The following ST6GALNAC3 variants were observed in gnomAD, a reference collection of about 807,000 sequenced individuals.
The protein encoded by ST6GALNAC3 is ST6 N-acetylgalactosaminide alpha-2,6-sialyltransferase 3.
A neutral mutation model predicts 32.7 loss-of-function variants in ST6GALNAC3; 25 were observed. The ratio of observed to expected loss-of-function variants is 0.76; its 90% CI spans 0.56 to 1.07. The LOEUF (loss-of-function observed/expected upper bound fraction) is 1.07, where lower values mean the gene tolerates loss of function less well. Ranked by LOEUF, ST6GALNAC3 falls within the 50% of genes least tolerant of loss-of-function variation. The pLI, the probability that ST6GALNAC3 is intolerant of heterozygous loss-of-function variation, is 0.00. For missense variants in ST6GALNAC3, 355 were observed against 382.4 expected (o/e 0.93, Z 0.60); for synonymous variants, 129 against 133.1 (o/e 0.97, Z 0.21).
intron 3 of ST6GALNAC3, among the ~76,000 whole-genome samples, chr1:76,604,315 T>C (rs1454779460): frequency 6.6e-6 from 1 of 152,182 alleles, no homozygotes; most frequent in Non-Finnish European, 1.5e-5. Flanking sequence ...CTATACCCCC[T>C]CTTAGAAATT....
intron 1 of ST6GALNAC3, among the ~76,000 whole-genome samples, chr1:76,218,636 T>C (rs1250854546): frequency 2.6e-5 from 4 of 152,250 alleles, no homozygotes; most frequent in African/African-American, 9.6e-5. Flanking sequence ...AACATTTATC[T>C]GCTTTTTCTT....
At chr1:76,329,179 A>G (rs1647138833) in intron 2 of ST6GALNAC3, among the ~76,000 whole-genome samples, 1 of 152,204 alleles carries the variant, frequency 6.6e-6, no homozygotes, top group South Asian at 2.1e-4. Context: ...CAACAGAATA[A>G]TATTCACCAC....
chr1:76,456,369 C>T (rs1028811546), intron 3 of ST6GALNAC3, among the ~76,000 whole-genome samples: 9 of 151,196 alleles, frequency 6.0e-5, no homozygotes, highest in Non-Finnish European at 1.0e-4. Context: ...TTTTTTGAGT[C>T]GGAGTCTCAT....
intron 1 of ST6GALNAC3, among the ~76,000 whole-genome samples, chr1:76,131,582 G>A (rs1649613545): frequency 6.6e-6 from 1 of 152,196 alleles, no homozygotes; most frequent in Non-Finnish European, 1.5e-5. Context: ...AGGGGCCAAG[G>A]CATTTGGCCT....
chr1:76,541,804 G>A (rs923520753), intron 3 of ST6GALNAC3, among the ~76,000 whole-genome samples: 15 of 152,104 alleles, frequency 9.9e-5, no homozygotes, highest in Admixed American at 7.9e-4. Flanking sequence ...CCATCATCTC[G>A]TCACACCTGT....
chr1:76,204,595 A>T (rs1654717625), intron 1 of ST6GALNAC3, among the ~76,000 whole-genome samples: 1 of 152,154 alleles, frequency 6.6e-6, no homozygotes, highest in Non-Finnish European at 1.5e-5. Context: ...GGATATCCAG[A>T]AGCAGTGTTT....
At chr1:76,303,915 T>A (rs1226111838) in intron 1 of ST6GALNAC3, among the ~76,000 whole-genome samples, 2 of 151,992 alleles carry the variant, frequency 1.3e-5, no homozygotes, top group Non-Finnish European at 2.9e-5. Flanking sequence ...CTTTATATTT[T>A]AAATTTTTCT....
intron 2 of ST6GALNAC3, among the ~76,000 whole-genome samples, chr1:76,347,964 A>C (rs1179412803): frequency 6.6e-6 from 1 of 152,216 alleles, no homozygotes; most frequent in East Asian, 1.9e-4. Flanking sequence ...AACTTAATAA[A>C]GAAAATGAAA....
intron 1 of ST6GALNAC3, among the ~76,000 whole-genome samples, chr1:76,147,363 T>C (rs767288671): frequency 2.6e-5 from 4 of 152,154 alleles, no homozygotes; most frequent in Non-Finnish European, 5.9e-5. Flanking sequence ...GTTCCTGGCC[T>C]GATCACTCAC....
chr1:76,560,918 A>C (rs951011196), intron 3 of ST6GALNAC3, among the ~76,000 whole-genome samples: 12 of 152,180 alleles, frequency 7.9e-5, no homozygotes, highest in Non-Finnish European at 1.0e-4. Context: ...GGAAGCCAAA[A>C]TTTGGAAGCC....
At chr1:76,277,385 A>G (rs1659190340) in intron 1 of ST6GALNAC3, among the ~76,000 whole-genome samples, 1 of 151,958 alleles carries the variant, frequency 6.6e-6, no homozygotes, top group Admixed American at 6.6e-5. Context: ...ATCCATGCAT[A>G]TATGTAAATT....
chr1:76,194,469 ATATT>A (rs1212402698), intron 1 of ST6GALNAC3, among the ~76,000 whole-genome samples: 5 of 151,584 alleles, frequency 3.3e-5, no homozygotes, highest in Non-Finnish European at 5.9e-5. Flanking sequence ...ATATTTTTAA[ATATT>A]TAATTTATTT....
chr1:76,448,025 A>G (rs956393329), intron 3 of ST6GALNAC3, among the ~76,000 whole-genome samples: 1 of 152,098 alleles, frequency 6.6e-6, no homozygotes, highest in Non-Finnish European at 1.5e-5. Flanking sequence ...AGCTTGCACC[A>G]TGTGCCTTGA....
At chr1:76,123,039 A>G (rs1026063610) in intron 1 of ST6GALNAC3, among the ~76,000 whole-genome samples, 2 of 152,218 alleles carry the variant, frequency 1.3e-5, no homozygotes, top group Admixed American at 1.3e-4. Flanking sequence ...TCTGCATTTT[A>G]ACAAGATGTC....
intron 1 of ST6GALNAC3, among the ~76,000 whole-genome samples, chr1:76,113,466 A>G (rs191032863): frequency 6.6e-6 from 1 of 152,144 alleles, no homozygotes; most frequent in Admixed American, 6.5e-5. Context: ...GCAAGATTCT[A>G]GAAGAAAGAA....
At chr1:76,447,361 A>T (rs1657053882) in intron 3 of ST6GALNAC3, among the ~76,000 whole-genome samples, 1 of 152,220 alleles carries the variant, frequency 6.6e-6, no homozygotes, top group South Asian at 2.1e-4. Context: ...TGTTAAAAAC[A>T]TTCCATTTTT....
At chr1:76,293,441 A>G (rs1660210274) in intron 1 of ST6GALNAC3, among the ~76,000 whole-genome samples, 3 of 152,198 alleles carry the variant, frequency 2.0e-5, no homozygotes, top group Non-Finnish European at 4.4e-5. Flanking sequence ...AAGTAACTTT[A>G]GAAAATATTA....
chr1:76,303,289 A>G (rs978706893), intron 1 of ST6GALNAC3, among the ~76,000 whole-genome samples: 1 of 152,060 alleles, frequency 6.6e-6, no homozygotes, highest in African/African-American at 2.4e-5. Flanking sequence ...GCAACCAATC[A>G]GAGATACTTT....
intron 3 of ST6GALNAC3, among the ~76,000 whole-genome samples, chr1:76,620,265 A>G (rs1163539189): frequency 6.6e-6 from 1 of 152,046 alleles, no homozygotes; most frequent in Non-Finnish European, 1.5e-5. Context: ...GAGTAAGAAG[A>G]CAGAGGCTGA....
Sources: gnomAD v4.1 joint callset for allele counts (sites outside exome capture counted in the v4.1 genomes callset) on GRCh38, gnomAD v4.1.1 for gene constraint, MANE v1.5 for transcripts, NCBI Gene and HGNC (gene_info 2026-07-23, HGNC 2026-07-21) for gene names.